The following ANKRD45 variants were observed in gnomAD, a reference collection of about 807,000 sequenced individuals.
ANKRD45 encodes the protein ankyrin repeat domain-containing protein 45.
In ANKRD45, 21 loss-of-function variants were observed where a neutral mutation model predicts 28.1. That is an observed-to-expected ratio of 0.75 (90% CI 0.53 to 1.08). The LOEUF is 1.08. ANKRD45 is among the 50% of genes least tolerant of loss of function. The probability of loss-of-function intolerance (pLI) is 0.00; values close to 1 mark genes in which losing one functional copy is unlikely to be tolerated. For missense variants in ANKRD45, 261 were observed against 308.7 expected, an observed-to-expected ratio of 0.85 and a Z score of 1.16; for synonymous variants, 86 against 103.9, an observed-to-expected ratio of 0.83 and a Z score of 1.05.
At chr1:173,613,481 C>T (rs1190474414) in intron 5 of ANKRD45, among the ~76,000 whole-genome samples, 1 of 149,336 alleles carries the variant, frequency 6.7e-6, no homozygotes, top group Non-Finnish European at 1.5e-5. Flanking sequence ...CCCGCCCGGC[C>T]AGCCGCCCCG....
chr1:173,679,523 T>A, the ANKRD45 span, among the ~76,000 whole-genome samples: 1 of 152,218 alleles, frequency 6.6e-6, no homozygotes, highest in Non-Finnish European at 1.5e-5. Context: ...GATCCCTTCC[T>A]TACACCTTAT....
At chr1:173,664,072 C>A (rs899990789) in intron 1 of ANKRD45, among the ~76,000 whole-genome samples, 3 of 152,100 alleles carry the variant, frequency 2.0e-5, no homozygotes, top group Non-Finnish European at 4.4e-5. Flanking sequence ...AAATGGGATA[C>A]AACCCACAGT....
At chr1:173,680,057 G>A in the ANKRD45 span, among the ~76,000 whole-genome samples, 3 of 152,356 alleles carry the variant, frequency 2.0e-5, no homozygotes, top group Admixed American at 2.0e-4. Context: ...TGGAGAGGAT[G>A]TGGAGAAATA....
chr1:173,695,536 C>T, the ANKRD45 span, among the ~76,000 whole-genome samples: 13 of 152,224 alleles, frequency 8.5e-5, no homozygotes, highest in East Asian at 2.3e-3. Flanking sequence ...CATGATATCA[C>T]TCTTTCTTAT....
At chr1:173,677,466 G>A in the ANKRD45 span, among the ~76,000 whole-genome samples, 4 of 152,088 alleles carry the variant, frequency 2.6e-5, no homozygotes, top group Non-Finnish European at 5.9e-5. Context: ...AATTTATAGA[G>A]AAACTGTACT....
the ANKRD45 span, among the ~76,000 whole-genome samples, chr1:173,688,928 T>C: frequency 6.6e-6 from 1 of 152,044 alleles, no homozygotes; most frequent in Non-Finnish European, 1.5e-5. Flanking sequence ...TAAAAGTTCC[T>C]CTGAGGAGGA....
chr1:173,684,233 T>A, the ANKRD45 span, among the ~76,000 whole-genome samples: 1 of 152,108 alleles, frequency 6.6e-6, no homozygotes, highest in African/African-American at 2.4e-5. Context: ...AATTTAAAAG[T>A]AGAAGGCAAA....
the ANKRD45 span, among the ~76,000 whole-genome samples, chr1:173,680,081 A>G: frequency 2.8e-4 from 42 of 152,326 alleles, 3 homozygotes; most frequent in East Asian, 3.9e-3. Flanking sequence ...ATGCTTTTAC[A>G]CTGTTGGTGG....
the ANKRD45 span, among the ~76,000 whole-genome samples, chr1:173,682,048 C>CAA: frequency 1.0e-4 from 9 of 88,718 alleles, no homozygotes; most frequent in South Asian, 3.8e-4. Flanking sequence ...GACTCTGTCT[C>CAA]AAAAAAAAAA....
At chr1:173,636,793 G>A (rs1239729148) in intron 3 of ANKRD45, 2 of 1,435,194 alleles carry the variant, frequency 1.4e-6, no homozygotes, top group Non-Finnish European at 9.5e-7. Context: ...ACTGTTTTAT[G>A]TAGATAAAAT....
chr1:173,650,788 C>A (rs542795182), intron 2 of ANKRD45, among the ~76,000 whole-genome samples: 1 of 152,310 alleles, frequency 6.6e-6, no homozygotes, highest in East Asian at 1.9e-4. Context: ...CATCACCATT[C>A]TAACTGGTGT....
At chr1:173,618,411 C>A (rs1048135862) in intron 5 of ANKRD45, among the ~76,000 whole-genome samples, 3 of 152,098 alleles carry the variant, frequency 2.0e-5, no homozygotes, top group African/African-American at 7.2e-5. Flanking sequence ...AATACAGGAG[C>A]TGAAAACCAG....
At chr1:173,686,521 G>A in the ANKRD45 span, among the ~76,000 whole-genome samples, 1 of 152,102 alleles carries the variant, frequency 6.6e-6, no homozygotes, top group Admixed American at 6.5e-5. Flanking sequence ...ACCCTTTGAT[G>A]AGAACATGAT....
At chr1:173,678,595 A>G in the ANKRD45 span, among the ~76,000 whole-genome samples, 1 of 152,254 alleles carries the variant, frequency 6.6e-6, no homozygotes, top group Non-Finnish European at 1.5e-5. Flanking sequence ...TGACAAACCT[A>G]CAGCCAATAT....
rs1325045733 is a variant in ANKRD45 at position 173,646,829 on chromosome 1, CT to C, written c.496+16del. 1 of 1,611,264 alleles carries C rather than the reference CT, an allele frequency of 6.2e-7. No homozygotes were observed. Among genetic ancestry groups the C allele is most frequent in the Admixed American group, 1.7e-5 (1 of 59,954 alleles). ...ATCACATCAGTCAGTTTGCTAACCC[CT>C]TGTGAGCTTCCTTACCTGCCCAGTC... On this transcript the variant is annotated intron_variant, in intron 3 of 5. Coordinates refer to ENST00000333279, the MANE Select transcript of ANKRD45 (RefSeq NM_198493.3).
intron 1 of ANKRD45, among the ~76,000 whole-genome samples, chr1:173,659,646 C>G (rs529296040): frequency 6.6e-6 from 1 of 151,866 alleles, no homozygotes; most frequent in Non-Finnish European, 1.5e-5. Context: ...CAAGTATATA[C>G]TAAAATGTTA....
chr1:173,694,886 A>T, the ANKRD45 span, among the ~76,000 whole-genome samples: 2 of 152,118 alleles, frequency 1.3e-5, no homozygotes, highest in African/African-American at 4.8e-5. Flanking sequence ...CTTCTCTTGT[A>T]TTATTTTTAT....
rs978162835 is a variant in ANKRD45 at position 173,622,005 on chromosome 1, C to T, written c.730+2782G>A. 5.3e-5 allele frequency among the ~76,000 whole-genome samples: 8 copies of T among 152,212 alleles called. No individual in the cohort carries two copies. In the Middle Eastern group the frequency reaches 0.02, roughly 388 times the overall value. ...TGCAAAAATTGCTAGCATTTTTATA[C>T]ACCAACAACAGGCAAGCAGAGAGCC... On this transcript the variant is annotated intron_variant, in intron 5 of 5. Coordinates refer to ENST00000333279, the MANE Select transcript of ANKRD45 (RefSeq NM_198493.3).
upstream of ANKRD45, among the ~76,000 whole-genome samples, chr1:173,674,642 G>T (rs531249046): frequency 3.3e-5 from 5 of 152,076 alleles, no homozygotes; most frequent in Admixed American, 6.6e-5. Context: ...TTAGAAGTAG[G>T]GGGTGCTTCC....
Sources: allele counts gnomAD v4.1 joint callset (sites outside exome capture counted in the v4.1 genomes callset), GRCh38; gene constraint gnomAD v4.1.1; transcripts MANE v1.5; gene names NCBI Gene and HGNC (gene_info 2026-07-23, HGNC 2026-07-21).